Variants in C8orf34 observed in about 807,000 individuals in gnomAD.
C8orf34 encodes chromosome 8 open reading frame 34.
In C8orf34, 65 loss-of-function variants were observed where a neutral mutation model predicts 68.3. That is an observed-to-expected ratio of 0.95 (90% CI 0.78 to 1.17). C8orf34 has a LOEUF of 1.17. Ranked by LOEUF, C8orf34 falls within the 50% of genes most tolerant of loss-of-function variation. C8orf34 has a pLI of 0.00. For missense variants in C8orf34, 664 were observed against 655.4 expected, an observed-to-expected ratio of 1.01 and a Z score of -0.14; for synonymous variants, 244 against 241.2, an observed-to-expected ratio of 1.01 and a Z score of -0.11.
intron 8 of C8orf34, among the ~76,000 whole-genome samples, chr8:68,686,828 T>C (rs796078236): frequency 3.9e-5 from 6 of 152,108 alleles, no homozygotes; most frequent in African/African-American, 1.2e-4. Flanking sequence ...AAAGAGGAAG[T>C]AAAACTAGTG....
chr8:68,697,810 G>A (rs1433137279), intron 8 of C8orf34, among the ~76,000 whole-genome samples: 1 of 152,130 alleles, frequency 6.6e-6, no homozygotes, highest in Non-Finnish European at 1.5e-5. Flanking sequence ...ATTTAGGAAA[G>A]TGATCCCTGC....
At position 68,500,634 on chromosome 8, in the gene C8orf34, A is replaced by G. The variant is rs563175090; in HGVS notation, c.765+12583A>G. ...AAGAAGAGAACCCTCACCCACACACATCCACACTCACACCCACCCAGCCCT... is the reference window on the plus strand; with the variant it reads ...AAGAAGAGAACCCTCACCCACACACGTCCACACTCACACCCACCCAGCCCT... On this transcript the variant is annotated intron_variant, in intron 5 of 13. Coordinates refer to ENST00000518698, the MANE Select transcript of C8orf34 (RefSeq NM_052958.4). 3.3e-5 allele frequency among the ~76,000 whole-genome samples: 5 copies of G among 152,272 alleles called. No homozygotes were observed. In the South Asian group the frequency reaches 1.0e-3, roughly 32 times the overall value.
At chr8:68,445,610 A>G (rs1298091244) in intron 2 of C8orf34, among the ~76,000 whole-genome samples, 1 of 152,182 alleles carries the variant, frequency 6.6e-6, no homozygotes. Flanking sequence ...GCAAGAGAAG[A>G]TAAATTGATT....
At chr8:68,372,469 A>G (rs2129619826) in intron 1 of C8orf34, among the ~76,000 whole-genome samples, 1 of 152,234 alleles carries the variant, frequency 6.6e-6, no homozygotes, top group South Asian at 2.1e-4. Flanking sequence ...TGGTTCTCCA[A>G]TGCCAAAGAA....
chr8:68,461,920 G>A (rs551353835), intron 3 of C8orf34, among the ~76,000 whole-genome samples: 49 of 152,272 alleles, frequency 3.2e-4, no homozygotes, highest in African/African-American at 8.4e-4. Flanking sequence ...ATAATGACAG[G>A]ATCAAATTCA....
intron 13 of C8orf34, 60 bp downstream of exon 13, chr8:68,816,005 T>G: frequency 6.2e-7 from 1 of 1,612,202 alleles, no homozygotes; most frequent in Non-Finnish European, 8.5e-7. Flanking sequence ...CTTCTAAAAC[T>G]GCTCAGGATT....
intron 3 of C8orf34, among the ~76,000 whole-genome samples, chr8:68,466,057 A>AAGC (rs1812118442): frequency 6.6e-6 from 1 of 150,376 alleles, no homozygotes; most frequent in Non-Finnish European, 1.5e-5. Context: ...AAAAACAATG[A>AAGC]AATCATGTCA....
chr8:68,735,427 T>C (rs928873728), intron 10 of C8orf34, among the ~76,000 whole-genome samples: 6 of 152,248 alleles, frequency 3.9e-5, no homozygotes, highest in Non-Finnish European at 7.3e-5. Flanking sequence ...GTTTTGTCTT[T>C]TCTAGTAAGC....
intron 1 of C8orf34, among the ~76,000 whole-genome samples, chr8:68,395,358 C>G (rs1250440073): frequency 1.2e-4 from 1 of 8,660 alleles, no homozygotes; most frequent in East Asian, 7.8e-4. Context: ...CTCTGTGTGT[C>G]TCTCACACAC....
intron 10 of C8orf34, among the ~76,000 whole-genome samples, chr8:68,749,310 T>G (rs923520081): frequency 2.0e-5 from 3 of 151,944 alleles, no homozygotes; most frequent in African/African-American, 4.8e-5. Context: ...GAGGGTGCAG[T>G]GCACCAGCAT....
chr8:68,777,439 G>A (rs1466732019), intron 11 of C8orf34, among the ~76,000 whole-genome samples: 1 of 152,224 alleles, frequency 6.6e-6, no homozygotes, highest in Non-Finnish European at 1.5e-5. Flanking sequence ...CAATGTAAAT[G>A]TACATGTTGT....
intron 5 of C8orf34, among the ~76,000 whole-genome samples, chr8:68,492,006 C>T (rs138235577): frequency 5.4e-4 from 82 of 152,266 alleles, no homozygotes; most frequent in Non-Finnish European, 9.0e-4. Flanking sequence ...GGTGTTTACA[C>T]GCTTCTTTCC....
intron 7 of C8orf34, among the ~76,000 whole-genome samples, chr8:68,562,919 T>C (rs918975067): frequency 1.3e-5 from 2 of 152,212 alleles, no homozygotes; most frequent in African/African-American, 4.8e-5. Context: ...TTAGAATTTC[T>C]ATTCATACCT....
Position 68,525,956 on chromosome 8 carries a change from C to CTTTTT in C8orf34, c.938+4001_938+4005dup, listed in dbSNP as rs10692707. 213 of 178,670 alleles carry CTTTTT rather than the reference C, an allele frequency of 1.2e-3. 1 individual carries two copies. Among genetic ancestry groups the CTTTTT allele is most frequent in the Middle Eastern group, 2.3e-3 (1 of 438 alleles). The allele number at this position is 178,670 out of a possible 1,614,324, so 11.1% of individuals were successfully genotyped here. A position where few individuals can be genotyped will look rare whatever the true frequency, so the allele number is the denominator to read the frequency against. On this transcript the variant is annotated intron_variant, in intron 6 of 13. Coordinates refer to ENST00000518698, the MANE Select transcript of C8orf34 (RefSeq NM_052958.4). Reference sequence around the variant, plus strand: ...CTGAAAGAGACAAATTTCTTTCTTTCTTTTTTTTTTTTTTTTTTTTGAGAC... The same window carrying CTTTTT: ...CTGAAAGAGACAAATTTCTTTCTTTCTTTTTTTTTTTTTTTTTTTTTTTTTGAGAC...
At chr8:68,741,926 C>T (rs1822306685) in intron 10 of C8orf34, among the ~76,000 whole-genome samples, 1 of 152,194 alleles carries the variant, frequency 6.6e-6, no homozygotes, top group Non-Finnish European at 1.5e-5. Context: ...ACTCCTCAGT[C>T]ACTGAGAATT....
At chr8:68,754,151 G>A (rs10087498) in intron 10 of C8orf34, among the ~76,000 whole-genome samples, 1 of 151,928 alleles carries the variant, frequency 6.6e-6, no homozygotes, top group Non-Finnish European at 1.5e-5. Context: ...GTTCAACAAA[G>A]TGTTTAAAAA....
Position 68,330,957 on chromosome 8 carries a change from T to G in C8orf34, c.-56T>G. On this transcript the variant is annotated 5_prime_UTR_variant, in exon 1 of 14. Coordinates refer to ENST00000518698, the MANE Select transcript of C8orf34 (RefSeq NM_052958.4). ...GAACCTCTGCCTCGAATTTCCCCAC[T>G]GCGCCGGGCGCTGCGGAGAGCGGCG... 7.7e-7 allele frequency: 1 copy of G among 1,291,576 alleles called. No individual in the cohort carries two copies. Among genetic ancestry groups the G allele is most frequent in the Non-Finnish European group, 1.0e-6 (1 of 1,000,618 alleles). The allele number at this position is 1,291,576 out of a possible 1,614,324, so 80.0% of individuals were successfully genotyped here.
At chr8:68,513,384 A>G (rs570517706) in intron 5 of C8orf34, among the ~76,000 whole-genome samples, 1 of 152,270 alleles carries the variant, frequency 6.6e-6, no homozygotes, top group East Asian at 1.9e-4. Flanking sequence ...GTACCTGCAG[A>G]TGTCAAACCA....
At chr8:68,474,205 C>A (rs1812502564) in intron 4 of C8orf34, among the ~76,000 whole-genome samples, 1 of 152,162 alleles carries the variant, frequency 6.6e-6, no homozygotes, top group African/African-American at 2.4e-5. Flanking sequence ...ACTTGGCTAT[C>A]CCAATGCCAT....
Sources: allele counts gnomAD v4.1 joint callset (sites outside exome capture counted in the v4.1 genomes callset), GRCh38; gene constraint gnomAD v4.1.1; transcripts MANE v1.5; gene names NCBI Gene and HGNC (gene_info 2026-07-23, HGNC 2026-07-21).